The following DENND2B variants were observed in gnomAD, a reference collection of about 807,000 sequenced individuals.
DENND2B encodes the protein DENN domain-containing protein 2B.
Under a neutral mutation model 116.0 loss-of-function variants are expected in DENND2B, and 32 were observed. The observed-to-expected ratio is 0.28, with a 90% CI of 0.21 to 0.37. The LOEUF is 0.37. Ranked by LOEUF, DENND2B falls within the 10% of genes least tolerant of loss-of-function variation. The pLI is 1.00. For synonymous variants in DENND2B, 588 were observed against 583.9 expected (o/e 1.01, Z -0.10); for missense variants, 1,276 against 1,477.7 (o/e 0.86, Z 2.24).
intron 2 of DENND2B, among the ~76,000 whole-genome samples, chr11:8,745,203 C>T (rs2051018227): frequency 6.6e-6 from 1 of 152,062 alleles, no homozygotes; most frequent in South Asian, 2.1e-4. Flanking sequence ...TACAGGTGTG[C>T]ACCACCACAT....
intron 1 of DENND2B, chr11:8,766,684 A>T (rs2055866949): frequency 7.8e-7 from 1 of 1,289,100 alleles, no homozygotes; most frequent in Non-Finnish European, 1.0e-6. Flanking sequence ...CCCCACCTCC[A>T]TTCTTCCTTG....
chr11:8,812,453 G>C (rs922144220), upstream of DENND2B, among the ~76,000 whole-genome samples: 3 of 152,034 alleles, frequency 2.0e-5, no homozygotes, highest in Non-Finnish European at 4.4e-5. Flanking sequence ...AGGTCTGAAA[G>C]TTAGGATTGG....
At chr11:8,792,961 G>T (rs558349310) in intron 1 of DENND2B, among the ~76,000 whole-genome samples, 6 of 152,180 alleles carry the variant, frequency 3.9e-5, no homozygotes, top group African/African-American at 1.4e-4. Context: ...TAGGACACAT[G>T]GGCAAAGACA....
At chr11:8,725,654 G>A (rs926665298) in intron 4 of DENND2B, among the ~76,000 whole-genome samples, 3 of 152,152 alleles carry the variant, frequency 2.0e-5, no homozygotes, top group East Asian at 1.9e-4. Context: ...CACCATGCCC[G>A]GCTCGAAATA....
intron 1 of DENND2B, among the ~76,000 whole-genome samples, chr11:8,777,813 G>A (rs1174609239): frequency 1.3e-5 from 2 of 152,180 alleles, no homozygotes; most frequent in Non-Finnish European, 2.9e-5. Flanking sequence ...TTCCAGCAGT[G>A]GAGACTCACA....
intron 11 of DENND2B, chr11:8,708,474 T>G: frequency 2.5e-6 from 1 of 402,362 alleles, no homozygotes; most frequent in South Asian, 1.0e-4. Context: ...GCAACTGAGT[T>G]CAAAAAGATA....
Position 8,762,626 on chromosome 11 carries a change from C to T in DENND2B, c.-25-11901G>A, listed in dbSNP as rs571259212. ...CTGTAATCCCAGCACTTTGGGAGGC[C>T]GAGGCAGGTGGATCACCTGAGGTCG... is the stretch of plus-strand genomic sequence containing the variant. On this transcript the variant is annotated intron_variant, in intron 1 of 19. Coordinates refer to ENST00000313726, the MANE Select transcript of DENND2B (RefSeq NM_213618.2). Among the ~76,000 whole-genome samples the T allele has an allele frequency of 9.9e-5, 15 of 152,238 alleles. No individual in the cohort carries two copies. The East Asian group carries it at 2.7e-3, about 27-fold the overall frequency.
At chr11:8,847,564 C>A (rs1414619950) in intron 3 of DENND2B, among the ~76,000 whole-genome samples, 1 of 151,966 alleles carries the variant, frequency 6.6e-6, no homozygotes, top group African/African-American at 2.4e-5. Flanking sequence ...TCAAAGAAAA[C>A]AAAGCTTAAC....
At chr11:8,826,306 C>G (rs900887279) in intron 4 of DENND2B, among the ~76,000 whole-genome samples, 1 of 152,146 alleles carries the variant, frequency 6.6e-6, no homozygotes, top group African/African-American at 2.4e-5. Context: ...TCTGACCCAT[C>G]ATCTCCCCAA....
chr11:8,758,504 A>G (rs1357772704), intron 1 of DENND2B, among the ~76,000 whole-genome samples: 1 of 152,176 alleles, frequency 6.6e-6, no homozygotes, highest in Non-Finnish European at 1.5e-5. Context: ...TCCTGGGAAA[A>G]AGAGTTTATA....
intron 2 of DENND2B, among the ~76,000 whole-genome samples, chr11:8,742,064 T>C (rs1039053092): frequency 1.3e-5 from 2 of 152,096 alleles, no homozygotes; most frequent in Non-Finnish European, 2.9e-5. Flanking sequence ...CTAATTTTAT[T>C]ATTATTACTA....
At chr11:8,876,449 G>T (rs1367506574) in intron 2 of DENND2B, among the ~76,000 whole-genome samples, 1 of 152,036 alleles carries the variant, frequency 6.6e-6, no homozygotes, top group Non-Finnish European at 1.5e-5. Flanking sequence ...TCCCTACTAA[G>T]TGTACAGAAG....
chr11:8,812,669 A>T (rs139886543), upstream of DENND2B, among the ~76,000 whole-genome samples: 1 of 152,318 alleles, frequency 6.6e-6, no homozygotes, highest in African/African-American at 2.4e-5. Context: ...CTAACGGGCC[A>T]TGTGCCATTG....
At chr11:8,718,423 C>T in intron 4 of DENND2B, 1 of 1,527,706 alleles carries the variant, frequency 6.5e-7, no homozygotes. Context: ...AGGCCCCCTT[C>T]TCACCTACGA....
Position 8,717,902 on chromosome 11 carries a change from A to G in DENND2B, c.1478-10T>C. On this transcript the variant is annotated splice_polypyrimidine_tract_variant and intron_variant, in intron 4 of 19. Transcript: ENST00000313726. ...TCCTTGGGCAGATCTCCTGCAGAGG[A>G]GGAAGAGTTAGAGAAGGGGGAGAAG... is the stretch of plus-strand genomic sequence containing the variant. 1 of 1,604,836 alleles carries G rather than the reference A, an allele frequency of 6.2e-7. No individual in the cohort carries two copies. Among genetic ancestry groups the G allele is most frequent in the Non-Finnish European group, 8.5e-7 (1 of 1,174,178 alleles).
intron 1 of DENND2B, among the ~76,000 whole-genome samples, chr11:8,906,102 T>C (rs141810752): frequency 1.3e-5 from 2 of 152,082 alleles, no homozygotes; most frequent in African/African-American, 4.8e-5. Flanking sequence ...ACTTTGGTGA[T>C]GTTGACAACT....
chr11:8,855,213 A>G (rs1210537421), intron 3 of DENND2B, among the ~76,000 whole-genome samples: 2 of 151,772 alleles, frequency 1.3e-5, no homozygotes, highest in Non-Finnish European at 2.9e-5. Flanking sequence ...AGAGTAGAGA[A>G]GAGAGAAAAG....
intron 13 of DENND2B, among the ~76,000 whole-genome samples, chr11:8,705,443 G>A (rs575665880): frequency 1.1e-3 from 175 of 152,178 alleles, no homozygotes; most frequent in African/African-American, 4.0e-3. Flanking sequence ...TTTTTGAGGT[G>A]CTCCTGAGCC....
chr11:8,777,129 G>C (rs777760935), intron 1 of DENND2B, among the ~76,000 whole-genome samples: 20 of 152,172 alleles, frequency 1.3e-4, no homozygotes, highest in Non-Finnish European at 2.8e-4. Flanking sequence ...TTTAACTCCT[G>C]TAGTAACAAA....
Sources: gnomAD v4.1 joint callset for allele counts (sites outside exome capture counted in the v4.1 genomes callset) on GRCh38, gnomAD v4.1.1 for gene constraint, MANE v1.5 for transcripts, NCBI Gene and HGNC (gene_info 2026-07-23, HGNC 2026-07-21) for gene names.